Variants in FAM114A2 observed in about 807,000 individuals in gnomAD.
FAM114A2 encodes family with sequence similarity 114 member A2.
FAM114A2 carries 53 observed loss-of-function variants against 58.4 expected under a neutral mutation model. The ratio of observed to expected loss-of-function variants is 0.91; its 90% CI spans 0.73 to 1.14. The LOEUF (loss-of-function observed/expected upper bound fraction) is 1.14. FAM114A2 is among the 50% of genes most tolerant of loss of function. The pLI, the probability that FAM114A2 is intolerant of heterozygous loss-of-function variation, is 0.00. For synonymous variants in FAM114A2, 228 were observed against 211.4 expected, an observed-to-expected ratio of 1.08 and a Z score of -0.68; for missense variants, 601 against 581.1, an observed-to-expected ratio of 1.03 and a Z score of -0.35.
intron 8 of FAM114A2, among the ~76,000 whole-genome samples, chr5:154,013,815 T>C (rs933047220): frequency 1.3e-5 from 2 of 152,248 alleles, no homozygotes; most frequent in African/African-American, 4.8e-5. Flanking sequence ...CTAAGACTTT[T>C]AAAATGCATA....
intron 13 of FAM114A2, 102 bp downstream of exon 13, chr5:153,994,817 C>T: frequency 1.4e-6 from 1 of 727,012 alleles, no homozygotes; most frequent in South Asian, 1.6e-5. Flanking sequence ...GGCTAAACTA[C>T]CAATATGGTG....
In FAM114A2 at chr5:154,034,785, G is replaced by T; in HGVS notation, c.169C>A (p.Pro57Thr). 2 of 1,613,982 alleles carry T rather than the reference G, an allele frequency of 1.2e-6. No individual in the cohort carries two copies. Among genetic ancestry groups the T allele is most frequent in the Non-Finnish European group, 1.7e-6 (2 of 1,179,896 alleles). ...VSTRKRPETKPSSDLETSKVL... is the reference protein window; with the variant it reads ...VSTRKRPETKTSSDLETSKVL... Reference sequence around the variant, plus strand: ...TTTGAAGTCTCAAGGTCACTGGAAGGTTTGGTCTCTGGTCTTTTCCGAGTG... The same window carrying T: ...TTTGAAGTCTCAAGGTCACTGGAAGTTTTGGTCTCTGGTCTTTTCCGAGTG... The change falls in exon 2 of 14, where the codon CCT becomes ACT. Residue 57 changes from proline (P) to threonine (T), a missense_variant. Physicochemically the swap from Pro to Thr is conservative, Grantham distance 38. Transcript: ENST00000351797.
intron 9 of FAM114A2, among the ~76,000 whole-genome samples, chr5:154,003,675 C>T (rs1280898328): frequency 1.3e-5 from 2 of 152,140 alleles, no homozygotes; most frequent in Non-Finnish European, 2.9e-5. Context: ...CCTCCTCCTG[C>T]CCAAAGACAA....
At chr5:154,035,508 A>G (rs1213826930) in intron 1 of FAM114A2, among the ~76,000 whole-genome samples, 1 of 152,178 alleles carries the variant, frequency 6.6e-6, no homozygotes, top group Non-Finnish European at 1.5e-5. Flanking sequence ...GATCCATTTA[A>G]GTTGTATTAG....
At chr5:154,000,310 C>T (rs1769893275) in intron 11 of FAM114A2, among the ~76,000 whole-genome samples, 1 of 152,086 alleles carries the variant, frequency 6.6e-6, no homozygotes, top group Non-Finnish European at 1.5e-5. Flanking sequence ...GGTGACTATA[C>T]TTAGCAATAA....
chr5:154,004,396 A>T (rs773399741), intron 9 of FAM114A2, among the ~76,000 whole-genome samples: 1 of 151,962 alleles, frequency 6.6e-6, no homozygotes, highest in Non-Finnish European at 1.5e-5. Context: ...CTCTCCATCC[A>T]TCCTATGCCA....
At position 153,994,913 on chromosome 5, in the gene FAM114A2, A is replaced by T; in HGVS notation, c.1383+6T>A. 1.3e-6 allele frequency: 2 copies of T among 1,582,838 alleles called. No homozygotes were observed. The highest frequency in any genetic ancestry group is 1.7e-6 in the Non-Finnish European group (2 of 1,151,840). Reference sequence around the variant, plus strand: ...TGGAGTCAGAGACTTAAAAACAATTACTAACCTCTAGAAATACTGCAGTGA... The same window carrying T: ...TGGAGTCAGAGACTTAAAAACAATTTCTAACCTCTAGAAATACTGCAGTGA... On this transcript the variant is annotated splice_donor_region_variant and intron_variant, in intron 13 of 13. Coordinates refer to ENST00000351797, the MANE Select transcript of FAM114A2 (RefSeq NM_018691.4).
chr5:154,025,358 T>C lies in FAM114A2; in HGVS notation c.913+1041A>G, dbSNP rs1031683720. 4.6e-5 allele frequency among the ~76,000 whole-genome samples: 7 copies of C among 152,292 alleles called. No individual in the cohort carries two copies. The East Asian group carries it at 7.7e-4, about 17-fold the overall frequency. On this transcript the variant is annotated intron_variant, in intron 8 of 13. Coordinates refer to ENST00000351797, the MANE Select transcript of FAM114A2 (RefSeq NM_018691.4). ...GACACTAGTAGAGTCTGCTAACATC[T>C]TGATCCATGTTATGGCACCAGCAAT...
In FAM114A2 at chr5:154,028,196, A is replaced by G. The variant is rs1342654946; in HGVS notation, c.583T>C (p.Phe195Leu). The change falls in exon 6 of 14, where the codon TTT becomes CTT. Residue 195 changes from phenylalanine to leucine, a missense_variant. By Grantham distance (22) the Phe-to-Leu change is conservative. Transcript: ENST00000351797. ...MDVIAEGDPG[F>L]KRTKGLMNRN... is the part of the protein sequence containing the mutation. ...TTCATCAGACCCTTGGTTCTTTTAA[A>G]TCCAGGATCCCCTTCTGCTATCACA... The G allele has an allele frequency of 3.7e-6, 6 of 1,612,786 alleles. No individual in the cohort carries two copies. Among genetic ancestry groups the G allele is most frequent in the Non-Finnish European group, 5.1e-6 (6 of 1,179,120 alleles).
chr5:154,006,401 C>T (rs1770345625), intron 9 of FAM114A2, among the ~76,000 whole-genome samples: 1 of 152,098 alleles, frequency 6.6e-6, no homozygotes, highest in African/African-American at 2.4e-5. Context: ...CAGGAAGGGT[C>T]TCTGAAAAGT....
chr5:153,998,384 C>T (rs1306353298), intron 11 of FAM114A2, among the ~76,000 whole-genome samples: 3 of 152,108 alleles, frequency 2.0e-5, no homozygotes, highest in African/African-American at 7.2e-5. Flanking sequence ...AATTTGATTC[C>T]CAACATGGCA....
intron 4 of FAM114A2, among the ~76,000 whole-genome samples, chr5:154,032,259 T>A (rs1772252623): frequency 6.6e-6 from 1 of 152,352 alleles, no homozygotes; most frequent in South Asian, 2.1e-4. Flanking sequence ...GTGGTTTGTG[T>A]TCCTTTTTCC....
At position 154,028,253 on chromosome 5, in the gene FAM114A2, C is replaced by T; in HGVS notation, c.526G>A (p.Ala176Thr). ...GTCTTTTTTCCAATGAATTCTAAGG[C>T]ATCCAAACCCCCACTTATAACACTC... is the stretch of plus-strand genomic sequence containing the variant. ...GKSVISGGLD[A>T]LEFIGKKTMD... The change falls in exon 6 of 14, where the codon GCC (alanine) becomes ACC (threonine). Residue 176 changes from alanine to threonine, a missense_variant. By Grantham distance (58) the Ala-to-Thr change is moderately conservative. Transcript: ENST00000351797. 6.2e-7 allele frequency: 1 copy of T among 1,606,356 alleles called. No homozygotes were observed.
chr5:154,030,318 G>C (rs1006799720), intron 4 of FAM114A2, among the ~76,000 whole-genome samples: 6 of 152,092 alleles, frequency 3.9e-5, no homozygotes, highest in Non-Finnish European at 7.4e-5. Flanking sequence ...TCACATAGGA[G>C]AACAACCATT....
At chr5:154,037,516 C>T (rs1772655002) in intron 1 of FAM114A2, among the ~76,000 whole-genome samples, 3 of 152,126 alleles carry the variant, frequency 2.0e-5, no homozygotes, top group Admixed American at 2.0e-4. Context: ...ATAGGAAAGA[C>T]GAGACAGTTT....
Position 154,034,418 on chromosome 5 carries a change from A to C in FAM114A2, c.211-41T>G, listed in dbSNP as rs944636615. ...GCAGAAAAACAAAAGGCAAAGAAAA[A>C]TGAAAAAATTAGAGGAAAATCAGAA... is the stretch of plus-strand genomic sequence containing the variant. On this transcript the variant is annotated intron_variant, in intron 2 of 13. Coordinates refer to ENST00000351797, the MANE Select transcript of FAM114A2 (RefSeq NM_018691.4). 5 of 1,286,646 alleles carry C rather than the reference A, an allele frequency of 3.9e-6. No individual in the cohort carries two copies. In the African/African-American group the frequency reaches 7.5e-5, roughly 19 times the overall value. 79.7% of individuals were successfully genotyped at this position (1,286,646 alleles called of 1,614,324 possible). A position where few individuals can be genotyped will look rare whatever the true frequency, so the allele number is the denominator to read the frequency against.
chr5:154,027,409 C>A, intron 6 of FAM114A2, 75 bp from the exon 7 acceptor site: 4 of 1,322,390 alleles, frequency 3.0e-6, no homozygotes, highest in Non-Finnish European at 4.1e-6. Context: ...TTGAAGGAAG[C>A]AAAGCTTAGA....
chr5:154,014,626 A>G (rs762191089), intron 8 of FAM114A2, among the ~76,000 whole-genome samples: 3 of 152,196 alleles, frequency 2.0e-5, no homozygotes, highest in Non-Finnish European at 4.4e-5. Flanking sequence ...ATACAGGGGT[A>G]GAGGAAGCAG....
intron 9 of FAM114A2, among the ~76,000 whole-genome samples, chr5:154,008,634 A>G (rs1770498675): frequency 6.6e-6 from 1 of 151,910 alleles, no homozygotes; most frequent in South Asian, 2.1e-4. Flanking sequence ...TTCTGTAATT[A>G]GACTTGGATT....
Sources: gnomAD v4.1 joint callset for allele counts (sites outside exome capture counted in the v4.1 genomes callset) on GRCh38, gnomAD v4.1.1 for gene constraint, MANE v1.5 for transcripts, NCBI Gene and HGNC (gene_info 2026-07-23, HGNC 2026-07-21) for gene names.